Variants in PCDH9 observed in about 807,000 individuals in gnomAD.
PCDH9 encodes protocadherin 9.
Under a neutral mutation model 70.6 loss-of-function variants are expected in PCDH9, and 24 were observed. The ratio of observed to expected loss-of-function variants is 0.34; its 90% confidence interval spans 0.25 to 0.48. The LOEUF (loss-of-function observed/expected upper bound fraction) is 0.48. PCDH9 is among the 20% of genes least tolerant of loss of function. The probability of loss-of-function intolerance (pLI) is 0.99; values close to 1 mark genes in which losing one functional copy is unlikely to be tolerated. For synonymous variants in PCDH9, 562 were observed against 558.5 expected (o/e 1.01, Z -0.09); for missense variants, 1,281 against 1,503.6 (o/e 0.85, Z 2.45).
chr13:66,397,543 G>A (rs995908483), intron 4 of PCDH9, among the ~76,000 whole-genome samples: 2 of 148,802 alleles, frequency 1.3e-5, no homozygotes. Context: ...ACACATATAT[G>A]TCGATATATA....
At chr13:67,051,617 T>A (rs2085327184) in intron 2 of PCDH9, among the ~76,000 whole-genome samples, 1 of 151,864 alleles carries the variant, frequency 6.6e-6, no homozygotes, top group African/African-American at 2.4e-5. Context: ...GGTCTCAAAC[T>A]CCTGACCTCA....
At chr13:66,519,371 CA>C (rs1959886677) in intron 4 of PCDH9, among the ~76,000 whole-genome samples, 1 of 152,040 alleles carries the variant, frequency 6.6e-6, no homozygotes, top group African/African-American at 2.4e-5. Context: ...GGGTTATGCA[CA>C]AACTGGTAAT....
At chr13:66,602,923 C>T (rs1407022983) in intron 4 of PCDH9, among the ~76,000 whole-genome samples, 3 of 145,882 alleles carry the variant, frequency 2.1e-5, no homozygotes, top group South Asian at 4.4e-4. Flanking sequence ...TAATTGCCTA[C>T]AGTATTCAAT....
chr13:66,665,570 G>A (rs1415151711), intron 3 of PCDH9, among the ~76,000 whole-genome samples: 12 of 152,066 alleles, frequency 7.9e-5, no homozygotes, highest in East Asian at 3.9e-4. Flanking sequence ...CTTCCTTGAC[G>A]CATCCAATAT....
chr13:66,830,120 A>T (rs2080900051), intron 3 of PCDH9, among the ~76,000 whole-genome samples: 1 of 152,210 alleles, frequency 6.6e-6, no homozygotes. Flanking sequence ...ATGAACTTCG[A>T]TTCTCAGTGG....
intron 2 of PCDH9, among the ~76,000 whole-genome samples, chr13:67,068,412 G>A (rs997512172): frequency 2.0e-5 from 3 of 152,180 alleles, no homozygotes; most frequent in African/African-American, 7.2e-5. Context: ...TGCCTGAAAT[G>A]TGGTCTCTAT....
chr13:66,512,105 T>G (rs2138586126), intron 4 of PCDH9, among the ~76,000 whole-genome samples: 1 of 152,216 alleles, frequency 6.6e-6, no homozygotes, highest in Non-Finnish European at 1.5e-5. Context: ...CTAATTAATA[T>G]TTACTTCCTT....
chr13:66,515,293 C>A (rs891135772), intron 4 of PCDH9, among the ~76,000 whole-genome samples: 1 of 151,916 alleles, frequency 6.6e-6, no homozygotes, highest in Admixed American at 6.6e-5. Flanking sequence ...GGTGTTTGAA[C>A]AAATTCAAGT....
chr13:66,624,214 TTA>T (rs1446886398), intron 4 of PCDH9, among the ~76,000 whole-genome samples: 2 of 152,226 alleles, frequency 1.3e-5, no homozygotes, highest in Admixed American at 1.3e-4. Context: ...ATCATCCTAG[TTA>T]TATTTGTTTA....
chr13:66,894,578 G>T (rs2082146452), intron 3 of PCDH9, among the ~76,000 whole-genome samples: 1 of 151,936 alleles, frequency 6.6e-6, no homozygotes, highest in African/African-American at 2.4e-5. Context: ...AACTATAACT[G>T]AACCTCCATT....
chr13:66,757,043 G>A (rs2079548445), intron 3 of PCDH9, among the ~76,000 whole-genome samples: 1 of 152,038 alleles, frequency 6.6e-6, no homozygotes, highest in East Asian at 1.9e-4. Flanking sequence ...CACCATGTTG[G>A]GCAGCCTAGT....
chr13:66,771,078 T>C (rs1177825097), intron 3 of PCDH9, among the ~76,000 whole-genome samples: 1 of 152,202 alleles, frequency 6.6e-6, no homozygotes, highest in African/African-American at 2.4e-5. Flanking sequence ...TTTTATTTAC[T>C]TATTTTTTTA....
At chr13:67,199,940 C>T (rs1368184718) in intron 2 of PCDH9, among the ~76,000 whole-genome samples, 2 of 151,950 alleles carry the variant, frequency 1.3e-5, no homozygotes, top group Non-Finnish European at 2.9e-5. Context: ...GAGTAAATTC[C>T]TTTCTTTATG....
At chr13:67,197,747 A>G (rs1023626245) in intron 2 of PCDH9, among the ~76,000 whole-genome samples, 2 of 152,014 alleles carry the variant, frequency 1.3e-5, no homozygotes, top group South Asian at 4.1e-4. Flanking sequence ...AACCATTTAT[A>G]TGCTTAAGGC....
chr13:66,638,799 C>T (rs1377902622), intron 3 of PCDH9, among the ~76,000 whole-genome samples: 2 of 152,140 alleles, frequency 1.3e-5, no homozygotes, highest in Admixed American at 6.5e-5. Flanking sequence ...TGTGATTTCT[C>T]ACGGGAAAAG....
At chr13:66,708,402 A>AG (rs1555324391) in intron 3 of PCDH9, among the ~76,000 whole-genome samples, 2 of 88,332 alleles carry the variant, frequency 2.3e-5, no homozygotes, top group Middle Eastern at 5.3e-3. Flanking sequence ...TTTGAGATTT[A>AG]GTTTTTTTTT....
At chr13:66,713,330 TA>T (rs1054035363) in intron 3 of PCDH9, among the ~76,000 whole-genome samples, 7 of 151,976 alleles carry the variant, frequency 4.6e-5, no homozygotes, top group Admixed American at 3.3e-4. Context: ...TATTTTTAAA[TA>T]AAAATATTAA....
Position 66,483,152 on chromosome 13 carries a change from C to T in PCDH9, c.3340+148058G>A, listed in dbSNP as rs557286671. Among the ~76,000 whole-genome samples the T allele has an allele frequency of 1.8e-4, 27 of 152,230 alleles. No homozygotes were observed. In the South Asian group the frequency reaches 4.3e-3, roughly 25 times the overall value. The stretch of plus-strand genomic sequence containing the variant: ...GGAAATTGTTAATTCATCGGAACTG[C>T]GCAGAAGAGATGTGTGGTTATATCT... On this transcript the variant is annotated intron_variant, in intron 4 of 4. Transcript: ENST00000377865.
chr13:66,419,179 C>T (rs2138343575), intron 4 of PCDH9, among the ~76,000 whole-genome samples: 1 of 151,332 alleles, frequency 6.6e-6, no homozygotes, highest in East Asian at 2.0e-4. Context: ...AAAAGAGGGA[C>T]TCCTCCCTAA....
Sources: gnomAD v4.1 joint callset for allele counts (sites outside exome capture counted in the v4.1 genomes callset) on GRCh38, gnomAD v4.1.1 for gene constraint, MANE v1.5 for transcripts, NCBI Gene and HGNC (gene_info 2026-07-23, HGNC 2026-07-21) for gene names.